Variants in ATG13 observed in about 807,000 individuals in gnomAD.
ATG13 encodes the protein autophagy related 13.
ATG13 carries 23 observed loss-of-function variants against 65.5 expected under a neutral mutation model. The ratio of observed to expected loss-of-function variants is 0.35; its 90% CI spans 0.25 to 0.50. The LOEUF (loss-of-function observed/expected upper bound fraction) is 0.50. Ranked by LOEUF, ATG13 falls within the 20% of genes least tolerant of loss-of-function variation. ATG13 has a pLI of 0.98. For synonymous variants in ATG13, 252 were observed against 245.2 expected (o/e 1.03, Z -0.26); for missense variants, 566 against 677.0 (o/e 0.84, Z 1.82).
intron 2 of ATG13, among the ~76,000 whole-genome samples, chr11:46,631,921 G>A (rs1362313468): frequency 1.3e-5 from 2 of 152,134 alleles, no homozygotes; most frequent in African/African-American, 4.8e-5. Flanking sequence ...GTCTATGCAT[G>A]TTCTCTTACA....
chr11:46,651,622 C>T (rs1648491877), intron 7 of ATG13, among the ~76,000 whole-genome samples: 1 of 152,108 alleles, frequency 6.6e-6, no homozygotes, highest in African/African-American at 2.4e-5. Flanking sequence ...GATTTTTAGA[C>T]GAATAGTATA....
At chr11:46,657,458 C>T in intron 9 of ATG13, 66 bp from the exon 10 acceptor site, 1 of 1,482,164 alleles carries the variant, frequency 6.7e-7, no homozygotes, top group Non-Finnish European at 9.4e-7. Context: ...GAGGGGCCCT[C>T]TGAGGACTTT....
chr11:46,660,641 C>G (rs1189729266), intron 11 of ATG13, among the ~76,000 whole-genome samples: 1 of 151,438 alleles, frequency 6.6e-6, no homozygotes, highest in Non-Finnish European at 1.5e-5. Context: ...ATCTCCTGAC[C>G]TCATGATCCG....
Position 46,672,829 on chromosome 11 carries a change from G to A in ATG13, c.*497G>A. 1.6e-6 allele frequency: 2 copies of A among 1,255,762 alleles called. No individual in the cohort carries two copies. The highest frequency in any genetic ancestry group is 2.1e-6 in the Non-Finnish European group (2 of 967,372). 77.8% of individuals were successfully genotyped at this position (1,255,762 alleles called of 1,614,324 possible). On this transcript the variant is annotated 3_prime_UTR_variant, in exon 19 of 19. Transcript: ENST00000683050. ...AAGGAGTCCCTTAGCTCTCTTCATT[G>A]TCCCCTTTACTTCCTGCTATCTTCT...
At chr11:46,660,828 C>A (rs1810795886) in intron 11 of ATG13, among the ~76,000 whole-genome samples, 1 of 150,296 alleles carries the variant, frequency 6.7e-6, no homozygotes, top group Admixed American at 6.6e-5. Context: ...CCCACCTAAA[C>A]CTCCGGAGTA....
rs568484039 is a variant in ATG13 at position 46,655,533 on chromosome 11, C to T, written c.459-700C>T. On this transcript the variant is annotated intron_variant, in intron 7 of 18. Coordinates refer to ENST00000683050, the MANE Select transcript of ATG13 (RefSeq NM_001346311.2). ...AGGTTGCAGTGAGCCGAGATCATGCCACTGCACTGCAGCCTGGGTGACAGA... is the reference window on the plus strand; with the variant it reads ...AGGTTGCAGTGAGCCGAGATCATGCTACTGCACTGCAGCCTGGGTGACAGA... Among the ~76,000 whole-genome samples, 12 of 152,286 alleles carry T rather than the reference C, an allele frequency of 7.9e-5. No individual in the cohort carries two copies. The South Asian group carries it at 2.3e-3, about 29-fold the overall frequency.
chr11:46,631,448 A>G (rs1477657400), intron 2 of ATG13, among the ~76,000 whole-genome samples: 3 of 152,338 alleles, frequency 2.0e-5, no homozygotes, highest in East Asian at 1.9e-4. Context: ...CCATTCGTTC[A>G]TTATTATCTT....
At chr11:46,668,420 A>T in intron 15 of ATG13, 79 bp from the exon 16 acceptor site, 1 of 1,437,474 alleles carries the variant, frequency 7.0e-7, no homozygotes. Flanking sequence ...CTGGACCTCT[A>T]GGCTTCTGGC....
At chr11:46,627,287 A>G (rs60147143) in intron 1 of ATG13, among the ~76,000 whole-genome samples, 1,915 of 151,918 alleles carry the variant, frequency 0.013, 49 homozygotes, top group African/African-American at 0.044. Context: ...GCTGAGGCAG[A>G]AGAATCACTT....
intron 2 of ATG13, among the ~76,000 whole-genome samples, chr11:46,634,691 AG>A (rs1466491284): frequency 5.4e-5 from 8 of 148,618 alleles, no homozygotes; most frequent in Admixed American, 1.3e-4. Context: ...CACTGCGCCC[AG>A]CCTAGTTTTT....
At chr11:46,667,185 G>A (rs903783906) in intron 14 of ATG13, among the ~76,000 whole-genome samples, 1 of 152,150 alleles carries the variant, frequency 6.6e-6, no homozygotes, top group Non-Finnish European at 1.5e-5. Flanking sequence ...CCACTTGACT[G>A]CACAATCCTC....
chr11:46,639,465 C>T (rs1189714436), intron 2 of ATG13, among the ~76,000 whole-genome samples: 1 of 152,008 alleles, frequency 6.6e-6, no homozygotes, highest in Non-Finnish European at 1.5e-5. Context: ...CTGGTTGCTT[C>T]AGGTTGTGGG....
chr11:46,647,924 T>G (rs2058056112), intron 5 of ATG13, among the ~76,000 whole-genome samples: 1 of 152,124 alleles, frequency 6.6e-6, no homozygotes, highest in African/African-American at 2.4e-5. Context: ...ATTGTGAGTT[T>G]TAAAAAATGT....
chr11:46,627,479 GC>G (rs1198636281), intron 1 of ATG13, among the ~76,000 whole-genome samples: 1 of 151,946 alleles, frequency 6.6e-6, no homozygotes, highest in Non-Finnish European at 1.5e-5. Context: ...GAGTTTAAAA[GC>G]TTTTTTTGAG....
At chr11:46,670,495 AAAG>A (rs995333592) in intron 18 of ATG13, among the ~76,000 whole-genome samples, 1 of 150,256 alleles carries the variant, frequency 6.7e-6, no homozygotes, top group African/African-American at 2.5e-5. Flanking sequence ...AAAAAAAAAA[AAAG>A]TAATAATTAC....
chr11:46,617,956 G>T, intron 1 of ATG13, 66 bp downstream of exon 1: 1 of 399,114 alleles, frequency 2.5e-6, no homozygotes. Context: ...CTGTGGATCT[G>T]CGGCCCCTTG....
intron 7 of ATG13, among the ~76,000 whole-genome samples, chr11:46,652,249 A>G (rs1310455636): frequency 3.9e-5 from 6 of 151,970 alleles, no homozygotes; most frequent in African/African-American, 1.4e-4. Flanking sequence ...CTGTATCTCA[A>G]AAAAACCCAA....
intron 1 of ATG13, among the ~76,000 whole-genome samples, chr11:46,622,463 G>GA (rs1216044463): frequency 6.6e-6 from 1 of 151,946 alleles, no homozygotes; most frequent in Non-Finnish European, 1.5e-5. Flanking sequence ...GTTTAAAAGT[G>GA]AAAAAAATAT....
intron 2 of ATG13, 76 bp downstream of exon 2, chr11:46,630,176 C>T (rs1287624746): frequency 6.6e-6 from 1 of 152,034 alleles, no homozygotes; most frequent in East Asian, 1.9e-4. Context: ...TGTAAACATG[C>T]AAGAATAGAA....
Sources: gnomAD v4.1 joint callset for allele counts (sites outside exome capture counted in the v4.1 genomes callset) on GRCh38, gnomAD v4.1.1 for gene constraint, MANE v1.5 for transcripts, NCBI Gene and HGNC (gene_info 2026-07-23, HGNC 2026-07-21) for gene names.